Variants in NELFA observed in about 807,000 individuals in gnomAD.
NELFA encodes negative elongation factor complex member A.
NELFA carries 35 observed loss-of-function variants against 51.8 expected under a neutral mutation model. That is an observed-to-expected ratio of 0.68 (90% CI 0.52 to 0.90). The LOEUF is 0.90. NELFA is among the 40% of genes least tolerant of loss of function. The pLI, the probability that NELFA is intolerant of heterozygous loss-of-function variation, is 0.00. For missense variants in NELFA, 658 were observed against 746.4 expected, an observed-to-expected ratio of 0.88 and a Z score of 1.38; for synonymous variants, 417 against 338.4, an observed-to-expected ratio of 1.23 and a Z score of -2.55.
chr4:1,997,900 C>T (rs1047192268), intron 1 of NELFA, among the ~76,000 whole-genome samples: 26 of 152,130 alleles, frequency 1.7e-4, no homozygotes, highest in African/African-American at 5.1e-4. Flanking sequence ...TGGTGCCCCT[C>T]GAGATCAGAG....
chr4:1,997,927 C>G (rs528614067), intron 1 of NELFA, among the ~76,000 whole-genome samples: 1 of 152,184 alleles, frequency 6.6e-6, no homozygotes, highest in South Asian at 2.1e-4. Flanking sequence ...GAAGAAGGAG[C>G]AGGCACCCAT....
intron 1 of NELFA, among the ~76,000 whole-genome samples, chr4:2,003,281 G>T (rs1490593065): frequency 6.6e-6 from 1 of 152,214 alleles, no homozygotes; most frequent in African/African-American, 2.4e-5. Flanking sequence ...CTTTTGCTGG[G>T]AGTGTAAATT....
chr4:1,987,034 A>G (rs1226072587), intron 4 of NELFA, among the ~76,000 whole-genome samples: 1 of 152,102 alleles, frequency 6.6e-6, no homozygotes, highest in Non-Finnish European at 1.5e-5. Context: ...GGGGTAGAGG[A>G]GAGCAAGGTG....
chr4:1,991,469 T>G lies in NELFA; in HGVS notation c.382+75A>C. 6 of 1,518,892 alleles carry G rather than the reference T, an allele frequency of 4.0e-6. No homozygotes were observed. The South Asian group carries it at 7.0e-5, about 18-fold the overall frequency. The allele number at this position is 1,518,892 out of a possible 1,614,324, so 94.1% of individuals were successfully genotyped here. A position where few individuals can be genotyped will look rare whatever the true frequency, so the allele number is the denominator to read the frequency against. ...AAAACGTAAAGGTCTAAAAATCAAA[T>G]TCATTTCAGAAAAAAATTTTTCAAG... On this transcript the variant is annotated intron_variant, in intron 2 of 10. Transcript: ENST00000382882.
At chr4:1,992,407 G>A (rs1246320709) in intron 1 of NELFA, 3 of 362,462 alleles carry the variant, frequency 8.3e-6, no homozygotes, top group Non-Finnish European at 1.7e-5. Flanking sequence ...CAATACCTGG[G>A]AGGCCAGATC....
chr4:1,999,870 C>T (rs11725126), intron 1 of NELFA, among the ~76,000 whole-genome samples: 39,105 of 152,010 alleles, frequency 0.26, 6,016 homozygotes, highest in East Asian at 0.67. Context: ...ACTCTAAAAT[C>T]GACCATGTAA....
Position 2,005,635 on chromosome 4 carries a change from T to C in NELFA, c.210+3115A>G, listed in dbSNP as rs189746168. On this transcript the variant is annotated intron_variant, in intron 1 of 10. Transcript: ENST00000382882. ...TGAGCTCAGGAGGAGGAGGTTGCAG[T>C]GAGCTGAGATCGCGCCACTGCTCTC... is the stretch of plus-strand genomic sequence containing the variant. Among the ~76,000 whole-genome samples the C allele has an allele frequency of 4.1e-3, 629 of 152,250 alleles. 7 individuals are homozygous for C. Among genetic ancestry groups the C allele is most frequent in the Non-Finnish European group, 4.3e-3 (291 of 68,022 alleles).
chr4:1,984,850 C>T lies in NELFA; in HGVS notation c.994G>A (p.Val332Ile), dbSNP rs1728032601. 3 of 1,576,154 alleles carry T rather than the reference C, an allele frequency of 1.9e-6. No individual in the cohort carries two copies. The highest frequency in any genetic ancestry group is 1.7e-6 in the Non-Finnish European group (2 of 1,160,308). Residue 332 changes from valine (V) to isoleucine (I), a missense_variant, in exon 8 of 11, where the codon GTT becomes ATT. By Grantham distance (29) the Val-to-Ile change is conservative. Around this residue, in one of 3 missense-constraint regions of NELFA, gnomAD observed 200 missense variants for 167.9 expected, o/e 1.19. Coordinates refer to ENST00000382882, the MANE Select transcript of NELFA (RefSeq NM_005663.5). ...TSYLPSTPSV[V>I]PASSYIPSSE... ...CTGGGGATGTAGGAGGAGGCGGGAA[C>T]CACGCTGGGCGTGGAGGGAAGGTAG...
At chr4:2,002,974 A>C (rs910985841) in intron 1 of NELFA, among the ~76,000 whole-genome samples, 13 of 152,224 alleles carry the variant, frequency 8.5e-5, no homozygotes, top group Admixed American at 2.0e-4. Context: ...AAATTTTTGC[A>C]ATCTACTCAT....
In NELFA at chr4:2,008,915, G is replaced by C. The variant is rs1048436359; in HGVS notation, c.45C>G (p.Asn15Lys). 2 of 1,579,646 alleles carry C rather than the reference G, an allele frequency of 1.3e-6. No homozygotes were observed. The highest frequency in any genetic ancestry group is 1.7e-6 in the Non-Finnish European group (2 of 1,163,578). Residue 15 changes from asparagine to lysine, a missense_variant, in exon 1 of 11, where the codon AAC (asparagine) becomes AAG (lysine). Transcript: ENST00000382882. The part of the protein sequence containing the change: ...RESDTGLWLH[N>K]KLGATDELWA... ...ACAGCTCGTCCGTGGCCCCCAGCTT[G>C]TTGTGCAGCCACAGGCCCGTGTCGC...
At chr4:2,002,143 T>A (rs961467015) in intron 1 of NELFA, among the ~76,000 whole-genome samples, 1 of 151,468 alleles carries the variant, frequency 6.6e-6, no homozygotes. Context: ...GAGCTTGCAA[T>A]GAGCCAAGAT....
intron 1 of NELFA, among the ~76,000 whole-genome samples, chr4:2,004,825 G>A (rs796754589): frequency 2.8e-5 from 2 of 72,422 alleles, no homozygotes; most frequent in African/African-American, 5.4e-5. Flanking sequence ...TTTTTTTTTT[G>A]GAGACAGAGT....
chr4:1,993,303 C>T (rs1032790443), intron 1 of NELFA, among the ~76,000 whole-genome samples: 3 of 152,194 alleles, frequency 2.0e-5, no homozygotes, highest in Non-Finnish European at 2.9e-5. Context: ...TTGGCTTTCC[C>T]GGGCGCGGTA....
chr4:1,990,232 G>T (rs547419495), intron 2 of NELFA, among the ~76,000 whole-genome samples: 1 of 152,176 alleles, frequency 6.6e-6, no homozygotes, highest in South Asian at 2.1e-4. Context: ...AAGGACCCCC[G>T]ATCTGTGGCT....
chr4:2,008,712 G>A, intron 1 of NELFA, 38 bp downstream of exon 1: 1 of 1,572,602 alleles, frequency 6.4e-7, no homozygotes, highest in Non-Finnish European at 8.6e-7. Flanking sequence ...TGGGAAGGTT[G>A]GGAATCTGGG....
At chr4:2,004,056 G>C (rs1407974835) in intron 1 of NELFA, 1 of 152,122 alleles carries the variant, frequency 6.6e-6, no homozygotes, top group Non-Finnish European at 1.5e-5. Context: ...CTACTCGGGA[G>C]GCTGAGGCAG....
chr4:1,992,860 C>A (rs1255753159), intron 1 of NELFA, among the ~76,000 whole-genome samples: 1 of 152,216 alleles, frequency 6.6e-6, no homozygotes, highest in Non-Finnish European at 1.5e-5. Context: ...CTGCAGGACA[C>A]CCAGCTGCCC....
chr4:1,999,471 A>C (rs1728516854), intron 1 of NELFA, among the ~76,000 whole-genome samples: 1 of 152,080 alleles, frequency 6.6e-6, no homozygotes, highest in South Asian at 2.1e-4. Flanking sequence ...ATGGAAAGCA[A>C]ACAAAAAGAC....
In NELFA at chr4:1,983,124, C is replaced by A; in HGVS notation, c.*195G>T. Reference sequence around the variant, plus strand: ...GTCTTAAATCACACAAAAAAGAACCCATATTAAAATTTTAAAAATAAGCCC... The same window carrying A: ...GTCTTAAATCACACAAAAAAGAACCAATATTAAAATTTTAAAAATAAGCCC... On this transcript the variant is annotated 3_prime_UTR_variant, in exon 11 of 11. Transcript: ENST00000382882. 2.0e-6 allele frequency: 1 copy of A among 492,648 alleles called. No homozygotes were observed. The highest frequency in any genetic ancestry group is 3.5e-6 in the Non-Finnish European group (1 of 283,172). The allele number at this position is 492,648 out of a possible 1,614,324, so 30.5% of individuals were successfully genotyped here. A position where few individuals can be genotyped will look rare whatever the true frequency, so the allele number is the denominator to read the frequency against.
Sources: gnomAD v4.1 joint callset for allele counts (sites outside exome capture counted in the v4.1 genomes callset) on GRCh38, gnomAD v4.1.1 for gene constraint, gnomAD v4.1.1 regional missense constraint, MANE v1.5 for transcripts, NCBI Gene and HGNC (gene_info 2026-07-23, HGNC 2026-07-21) for gene names.